Variants in SMIM8 observed in about 807,000 individuals in gnomAD.
The protein encoded by SMIM8 is UPF0708 protein C6orf162.
Under a neutral mutation model 8.1 loss-of-function variants are expected in SMIM8, and 8 were observed. The observed-to-expected ratio is 0.99, with a 90% CI of 0.58 to 1.78. The LOEUF (loss-of-function observed/expected upper bound fraction) is 1.78, where lower values mean the gene tolerates loss of function less well. Among genes scored for constraint, SMIM8 ranks in the 40% most tolerant of loss-of-function variants. The pLI is 0.00. For missense variants in SMIM8, 126 were observed against 119.8 expected, an observed-to-expected ratio of 1.05 and a Z score of -0.24; for synonymous variants, 45 against 39.7, an observed-to-expected ratio of 1.13 and a Z score of -0.50.
rs371785973 is a variant in SMIM8, at chr6:87,340,311, T to A, written c.*37T>A. 6.7e-7 allele frequency: 1 copy of A among 1,500,288 alleles called. No individual in the cohort carries two copies. The highest frequency in any genetic ancestry group is 8.9e-7 in the Non-Finnish European group (1 of 1,129,558). The allele number at this position is 1,500,288 out of a possible 1,614,324, so 92.9% of individuals were successfully genotyped here. On this transcript the variant is annotated 3_prime_UTR_variant, in exon 4 of 4. Transcript: ENST00000392863. ...AGTGCAGATGGACCTTTATTAAAGGTTCTGAAATCTTCAAATGAAAGACCT... is the reference window on the plus strand; with the variant it reads ...AGTGCAGATGGACCTTTATTAAAGGATCTGAAATCTTCAAATGAAAGACCT...
Position 87,342,029 on chromosome 6 carries a change from G to A in SMIM8, c.*1755G>A, listed in dbSNP as rs1355879660. On this transcript the variant is annotated 3_prime_UTR_variant, in exon 4 of 4. Coordinates refer to ENST00000392863, the MANE Select transcript of SMIM8 (RefSeq NM_001042493.3). ...ACTGTCAAGAGATTGCAGTGCAGGAGGGCAACAGAAACTGTACAAGGTGCA... is the reference window on the plus strand; with the variant it reads ...ACTGTCAAGAGATTGCAGTGCAGGAAGGCAACAGAAACTGTACAAGGTGCA... 2 of 152,190 alleles carry A rather than the reference G, an allele frequency of 1.3e-5. No individual in the cohort carries two copies. Among genetic ancestry groups the A allele is most frequent in the Non-Finnish European group, 2.9e-5 (2 of 68,036 alleles). 9.4% of individuals were successfully genotyped at this position (152,190 alleles called of 1,614,324 possible). A position where few individuals can be genotyped will look rare whatever the true frequency, so the allele number is the denominator to read the frequency against.
chr6:87,337,240 T>G, intron 3 of SMIM8, 74 bp downstream of exon 3: 2 of 1,458,388 alleles, frequency 1.4e-6, no homozygotes, highest in Admixed American at 4.7e-5. Context: ...TTTTCTTGTA[T>G]TTGATTTTAT....
At chr6:87,332,343 A>ATATAT (rs1491301788) in intron 2 of SMIM8, among the ~76,000 whole-genome samples, 1 of 145,756 alleles carries the variant, frequency 6.9e-6, no homozygotes. Flanking sequence ...ATATATATAT[A>ATATAT]AATGACAGCA....
At chr6:87,329,557 C>A (rs1776941493) in intron 1 of SMIM8, among the ~76,000 whole-genome samples, 1 of 152,196 alleles carries the variant, frequency 6.6e-6, no homozygotes, top group Non-Finnish European at 1.5e-5. Context: ...TCCCAGAGTG[C>A]TGGGATTGCA....
intron 2 of SMIM8, among the ~76,000 whole-genome samples, chr6:87,334,764 C>G (rs1034310518): frequency 6.6e-6 from 1 of 152,220 alleles, no homozygotes; most frequent in Admixed American, 6.5e-5. Flanking sequence ...AGCTAACTCT[C>G]AGTGCTTCAG....
chr6:87,327,777 A>G (rs60026186), intron 1 of SMIM8, among the ~76,000 whole-genome samples: 59,911 of 137,588 alleles, frequency 0.44, 11,870 homozygotes, highest in Middle Eastern at 0.49. Context: ...CGTTCTCTGT[A>G]TTTCCTGAAT....
At chr6:87,323,436 C>A (rs1293696589) in intron 1 of SMIM8, among the ~76,000 whole-genome samples, 1 of 119,320 alleles carries the variant, frequency 8.4e-6, no homozygotes, top group Admixed American at 1.0e-4. Context: ...CCCCCCACCC[C>A]ACAACAGACC....
chr6:87,327,288 G>C (rs1254035391), intron 1 of SMIM8, among the ~76,000 whole-genome samples: 1 of 150,008 alleles, frequency 6.7e-6, no homozygotes, highest in Non-Finnish European at 1.5e-5. Context: ...ATATTGTTAT[G>C]TGTGAATTTG....
chr6:87,331,289 G>C (rs141333826), intron 2 of SMIM8, among the ~76,000 whole-genome samples: 52 of 152,332 alleles, frequency 3.4e-4, no homozygotes, highest in African/African-American at 1.3e-3. Context: ...GGTAATGTCA[G>C]AGTAAGTTAT....
intron 2 of SMIM8, among the ~76,000 whole-genome samples, chr6:87,331,697 A>T (rs1424968970): frequency 6.6e-6 from 1 of 152,160 alleles, no homozygotes; most frequent in African/African-American, 2.4e-5. Context: ...ATTTTTTTTA[A>T]CAAAGTATAG....
chr6:87,334,594 C>T (rs1051393891), intron 2 of SMIM8, among the ~76,000 whole-genome samples: 1 of 152,122 alleles, frequency 6.6e-6, no homozygotes, highest in South Asian at 2.1e-4. Flanking sequence ...GTGAGCCACC[C>T]CGCCCAGCCT....
At chr6:87,330,037 A>G (rs1454405203) in intron 1 of SMIM8, among the ~76,000 whole-genome samples, 1 of 152,216 alleles carries the variant, frequency 6.6e-6, no homozygotes, top group African/African-American at 2.4e-5. Context: ...TATAAGTAGC[A>G]AAGTGAGAAT....
At chr6:87,323,958 T>C (rs1478595210) in intron 1 of SMIM8, among the ~76,000 whole-genome samples, 2 of 151,586 alleles carry the variant, frequency 1.3e-5, no homozygotes, top group Non-Finnish European at 2.9e-5. Context: ...TTTTTAATGA[T>C]TGCCATTCTA....
At chr6:87,329,184 C>T (rs552807784) in intron 1 of SMIM8, 4 of 155,418 alleles carry the variant, frequency 2.6e-5, no homozygotes, top group Admixed American at 6.5e-5. Context: ...CCCGGTACCT[C>T]GACTGGAAAT....
rs984387204 is a variant in SMIM8, at chr6:87,337,174, A to G, written c.135+8A>G. ...GAGCTCTTCATTAAACCTGTAAGAA[A>G]TACATCCAGGATAAGACTTTGTGTT... On this transcript the variant is annotated splice_region_variant and intron_variant, in intron 3 of 3. Coordinates refer to ENST00000392863, the MANE Select transcript of SMIM8 (RefSeq NM_001042493.3). The G allele has an allele frequency of 7.5e-6, 12 of 1,605,478 alleles. No homozygotes were observed. In the Admixed American group the frequency reaches 1.2e-4, roughly 16 times the overall value.
At chr6:87,334,800 CA>C (rs1384792514) in intron 2 of SMIM8, among the ~76,000 whole-genome samples, 2 of 152,152 alleles carry the variant, frequency 1.3e-5, no homozygotes, top group Non-Finnish European at 2.9e-5. Flanking sequence ...ATTACCAAGC[CA>C]ATACACATGC....
At chr6:87,332,577 A>G (rs1251913929) in intron 2 of SMIM8, among the ~76,000 whole-genome samples, 1 of 150,754 alleles carries the variant, frequency 6.6e-6, no homozygotes, top group Non-Finnish European at 1.5e-5. Flanking sequence ...AATTTTATAT[A>G]ATTTTGGACA....
intron 3 of SMIM8, among the ~76,000 whole-genome samples, chr6:87,338,848 A>G (rs939069818): frequency 6.6e-6 from 1 of 152,070 alleles, no homozygotes; most frequent in African/African-American, 2.4e-5. Flanking sequence ...CAGGAGTAAC[A>G]AAGTTAATAG....
chr6:87,334,903 A>T (rs117162591), intron 2 of SMIM8, among the ~76,000 whole-genome samples: 1 of 152,166 alleles, frequency 6.6e-6, no homozygotes, highest in African/African-American at 2.4e-5. Flanking sequence ...CCAGTAGACA[A>T]TTGGTCTGCC....
Sources: gnomAD v4.1 joint callset for allele counts (sites outside exome capture counted in the v4.1 genomes callset) on GRCh38, gnomAD v4.1.1 for gene constraint, MANE v1.5 for transcripts, NCBI Gene and HGNC (gene_info 2026-07-23, HGNC 2026-07-21) for gene names.